The following RANBP17 variants were observed in gnomAD, a reference collection of about 807,000 sequenced individuals.
The protein encoded by RANBP17 is ran-binding protein 17.
RANBP17 carries 158 observed loss-of-function variants against 141.2 expected under a neutral mutation model. The ratio of observed to expected loss-of-function variants is 1.12; its 90% CI spans 0.98 to 1.28. The LOEUF is 1.28. Among genes scored for constraint, RANBP17 ranks in the 50% most tolerant of loss-of-function variants. The pLI is 0.00. For synonymous variants in RANBP17, 430 were observed against 450.0 expected, an observed-to-expected ratio of 0.96 and a Z score of 0.56; for missense variants, 1,438 against 1,290.7, an observed-to-expected ratio of 1.11 and a Z score of -1.75.
intron 5 of RANBP17, chr5:170,897,358 TC>T: frequency 6.1e-6 from 3 of 495,320 alleles, no homozygotes; most frequent in South Asian, 1.8e-5. Flanking sequence ...TTCTTCTTCT[TC>T]TTTTTTTTTT....
rs570395122 is a variant in RANBP17, at chr5:171,095,930, G to A, written c.1711-74200G>A. Among the ~76,000 whole-genome samples the A allele has an allele frequency of 6.8e-4, 103 of 152,234 alleles. 1 individual carries two copies. Among genetic ancestry groups the A allele is most frequent in the South Asian group, 1.5e-3 (7 of 4,824 alleles). On this transcript the variant is annotated intron_variant, in intron 14 of 27. Coordinates refer to ENST00000523189, the MANE Select transcript of RANBP17 (RefSeq NM_022897.5). ...ATGTATGCCCTTAAAATAAAGGAAG[G>A]TAGGGGAAAAATCATGAAGAGAAAA...
intron 14 of RANBP17, among the ~76,000 whole-genome samples, chr5:170,971,348 A>G (rs369543888): frequency 6.6e-6 from 1 of 152,360 alleles, no homozygotes; most frequent in Middle Eastern, 3.4e-3. Context: ...GAAAGGCATT[A>G]TATAATTTCA....
chr5:171,176,043 G>A (rs1325204680), intron 16 of RANBP17, among the ~76,000 whole-genome samples: 2 of 152,090 alleles, frequency 1.3e-5, no homozygotes, highest in East Asian at 1.9e-4. Flanking sequence ...GCATGCCTGT[G>A]GAGCTGGCTC....
intron 14 of RANBP17, among the ~76,000 whole-genome samples, chr5:171,155,817 A>G (rs966050273): frequency 6.6e-6 from 1 of 152,168 alleles, no homozygotes; most frequent in Non-Finnish European, 1.5e-5. Flanking sequence ...AAATTTTGTA[A>G]GTATGAATCA....
In RANBP17 at chr5:170,862,051, G is replaced by A; in HGVS notation, c.18G>A (p.Gln6=). Residue 6 remains glutamine, a splice_region_variant and synonymous_variant, in exon 1 of 28, where the codon CAG becomes CAA. Coordinates refer to ENST00000523189, the MANE Select transcript of RANBP17 (RefSeq NM_022897.5). MALHF[Q]SLAELEVLCT... ...CTGGGAAGATGGCGCTGCACTTCCAGGTCAGTGTGCTCTGCGCCGCGGGCC... is the reference window on the plus strand; with the variant it reads ...CTGGGAAGATGGCGCTGCACTTCCAAGTCAGTGTGCTCTGCGCCGCGGGCC... 6.8e-7 allele frequency: 1 copy of A among 1,463,830 alleles called. No individual in the cohort carries two copies. 90.7% of individuals were successfully genotyped at this position (1,463,830 alleles called of 1,614,324 possible). A position where few individuals can be genotyped will look rare whatever the true frequency, so the allele number is the denominator to read the frequency against.
intron 16 of RANBP17, among the ~76,000 whole-genome samples, chr5:171,176,167 A>G (rs1760471202): frequency 6.6e-6 from 1 of 152,152 alleles, no homozygotes. Context: ...AGTCCCATCC[A>G]TATGCATGAT....
intron 14 of RANBP17, among the ~76,000 whole-genome samples, chr5:171,030,028 C>T (rs985744370): frequency 1.3e-5 from 2 of 151,958 alleles, no homozygotes; most frequent in African/African-American, 4.8e-5. Context: ...TTTATTTCTC[C>T]TATTGGCTAA....
At chr5:170,920,361 A>G (rs1452601824) in intron 11 of RANBP17, among the ~76,000 whole-genome samples, 1 of 152,154 alleles carries the variant, frequency 6.6e-6, no homozygotes. Context: ...ACTCATTCTA[A>G]TAACTATGTA....
chr5:170,972,235 GC>G (rs1777041672), intron 14 of RANBP17, among the ~76,000 whole-genome samples: 1 of 139,724 alleles, frequency 7.2e-6, no homozygotes, highest in East Asian at 2.1e-4. Flanking sequence ...AGGCTGGAGT[GC>G]AATGGCGCCA....
At chr5:170,890,696 G>A (rs946302755) in intron 3 of RANBP17, among the ~76,000 whole-genome samples, 2 of 152,134 alleles carry the variant, frequency 1.3e-5, no homozygotes, top group African/African-American at 4.8e-5. Flanking sequence ...GTAGTTTTCC[G>A]AGAGACTTCT....
chr5:171,036,190 C>T (rs770199355), intron 14 of RANBP17, among the ~76,000 whole-genome samples: 5 of 152,188 alleles, frequency 3.3e-5, no homozygotes, highest in Admixed American at 6.5e-5. Flanking sequence ...GTGTGAGCCA[C>T]CTCTGTGCCT....
Position 171,245,595 on chromosome 5 carries a change from T to C in RANBP17, c.2776+2775T>C, listed in dbSNP as rs1765164765. On this transcript the variant is annotated intron_variant, in intron 24 of 27. Coordinates refer to ENST00000523189, the MANE Select transcript of RANBP17 (RefSeq NM_022897.5). ...TCCCAAAGTGCTGGGATTATAGGCATGAGCCACTGCACCCAGCCAATTTTG... is the reference window on the plus strand; with the variant it reads ...TCCCAAAGTGCTGGGATTATAGGCACGAGCCACTGCACCCAGCCAATTTTG... 2.6e-5 allele frequency among the ~76,000 whole-genome samples: 4 copies of C among 152,314 alleles called. No individual in the cohort carries two copies. The South Asian group carries it at 8.3e-4, about 32-fold the overall frequency.
At chr5:171,033,910 C>A (rs1020086465) in intron 14 of RANBP17, among the ~76,000 whole-genome samples, 1 of 151,958 alleles carries the variant, frequency 6.6e-6, no homozygotes, top group African/African-American at 2.4e-5. Flanking sequence ...AAACAATGAC[C>A]CATCTGGGCA....
chr5:171,162,762 AG>A (rs1346670879), intron 14 of RANBP17, among the ~76,000 whole-genome samples: 1 of 152,110 alleles, frequency 6.6e-6, no homozygotes. Flanking sequence ...GCATCAGTGG[AG>A]GCCCCTACTG....
intron 14 of RANBP17, among the ~76,000 whole-genome samples, chr5:171,013,177 C>A (rs955216254): frequency 2.0e-4 from 30 of 152,138 alleles, no homozygotes; most frequent in African/African-American, 6.3e-4. Flanking sequence ...TTGTTCAGAG[C>A]AGTTCCCAGA....
intron 25 of RANBP17, among the ~76,000 whole-genome samples, chr5:171,291,695 G>A (rs997382083): frequency 2.0e-5 from 3 of 152,032 alleles, no homozygotes; most frequent in Non-Finnish European, 4.4e-5. Context: ...TGCCCCCATT[G>A]GTTGGCTGTT....
intron 14 of RANBP17, among the ~76,000 whole-genome samples, chr5:171,120,344 G>T (rs996452063): frequency 6.6e-6 from 1 of 152,192 alleles, no homozygotes; most frequent in South Asian, 2.1e-4. Context: ...CAGAGATGCT[G>T]TCTGGGAGCC....
At chr5:170,941,745 TAAATCATAAG>T (rs1774340431) in intron 12 of RANBP17, among the ~76,000 whole-genome samples, 1 of 152,154 alleles carries the variant, frequency 6.6e-6, no homozygotes, top group African/African-American at 2.4e-5. Flanking sequence ...CTACTGGGAA[TAAATCATAAG>T]AAATCTTACA....
intron 4 of RANBP17, among the ~76,000 whole-genome samples, chr5:170,894,486 T>TTATATATATATATA (rs3080623): frequency 3.0e-5 from 4 of 133,316 alleles, no homozygotes; most frequent in Admixed American, 7.7e-5. Flanking sequence ...TACGTGTTTT[T>TTATATATATATATA]TATATATATA....
Sources: gnomAD v4.1 joint callset for allele counts (sites outside exome capture counted in the v4.1 genomes callset) on GRCh38, gnomAD v4.1.1 for gene constraint, MANE v1.5 for transcripts, NCBI Gene and HGNC (gene_info 2026-07-23, HGNC 2026-07-21) for gene names.